The following STK32C variants were observed in gnomAD, a reference collection of about 807,000 sequenced individuals.
STK32C encodes the protein serine/threonine kinase 32C.
STK32C carries 31 observed loss-of-function variants against 56.5 expected under a neutral mutation model. The observed-to-expected ratio is 0.55, with a 90% CI of 0.41 to 0.74. STK32C has a LOEUF of 0.74. STK32C is among the 30% of genes least tolerant of loss of function. The pLI, the probability that STK32C is intolerant of heterozygous loss-of-function variation, is 0.00. For synonymous variants in STK32C, 309 were observed against 289.4 expected (o/e 1.07, Z -0.69); for missense variants, 544 against 676.9 (o/e 0.80, Z 2.18).
chr10:132,225,797 G>C lies in STK32C; in HGVS notation c.645-13C>G. 6.2e-7 allele frequency: 1 copy of C among 1,613,924 alleles called. No homozygotes were observed. The highest frequency in any genetic ancestry group is 8.5e-7 in the Non-Finnish European group (1 of 1,180,004). The stretch of plus-strand genomic sequence containing the variant: ...AGGCTTGACATCTCTAGAAAGAGCA[G>C]AAAGTGGGAAGGTGAGTTGGGAATC... On this transcript the variant is annotated splice_polypyrimidine_tract_variant and intron_variant, in intron 4 of 11. Coordinates refer to ENST00000298630, the MANE Select transcript of STK32C (RefSeq NM_173575.4).
chr10:132,229,011 T>G (rs2062999871), intron 2 of STK32C, among the ~76,000 whole-genome samples: 1 of 152,180 alleles, frequency 6.6e-6, no homozygotes, highest in South Asian at 2.1e-4. Flanking sequence ...GCTAATTGCT[T>G]AGCAGTGAGG....
intron 1 of STK32C, among the ~76,000 whole-genome samples, chr10:132,299,467 C>A (rs943481686): frequency 2.6e-5 from 4 of 152,080 alleles, no homozygotes; most frequent in Non-Finnish European, 5.9e-5. Context: ...AGGACGAGAC[C>A]CAGCAGCATG....
At chr10:132,233,208 A>T (rs1185674952) in intron 2 of STK32C, among the ~76,000 whole-genome samples, 2 of 152,136 alleles carry the variant, frequency 1.3e-5, no homozygotes, top group African/African-American at 4.8e-5. Context: ...GCAGCGGCTG[A>T]AGAAGGTGCA....
At chr10:132,307,979 G>C (rs2066134036), upstream of STK32C, 1 of 991,294 alleles carries the variant, frequency 1.0e-6, no homozygotes. The surrounding 1 kb of genome is among the most constrained non-coding windows in gnomAD (Gnocchi z 4.4). Context: ...CGTAGATTGC[G>C]AGCGCTGGGG....
intron 10 of STK32C, among the ~76,000 whole-genome samples, chr10:132,219,450 G>A (rs2062565078): frequency 6.6e-6 from 1 of 152,118 alleles, no homozygotes; most frequent in African/African-American, 2.4e-5. Context: ...TCTGCACACT[G>A]TCCATCCCTG....
chr10:132,265,334 T>C (rs1307866561), intron 1 of STK32C, among the ~76,000 whole-genome samples: 1 of 152,172 alleles, frequency 6.6e-6, no homozygotes, highest in African/African-American at 2.4e-5. Flanking sequence ...TGACAGCCCC[T>C]GCTCCTCCCT....
At chr10:132,286,637 G>A (rs190014646) in intron 1 of STK32C, among the ~76,000 whole-genome samples, 36 of 152,198 alleles carry the variant, frequency 2.4e-4, no homozygotes, top group African/African-American at 8.7e-4. Flanking sequence ...ACAAAATAAA[G>A]GAGGAAAAAT....
chr10:132,286,717 A>T (rs1400858551), intron 1 of STK32C, among the ~76,000 whole-genome samples: 4 of 152,208 alleles, frequency 2.6e-5, no homozygotes, highest in Non-Finnish European at 5.9e-5. Context: ...TTAAAAATAT[A>T]AAAAACTCAG....
chr10:132,244,081 T>C (rs557421894), intron 2 of STK32C, among the ~76,000 whole-genome samples: 3 of 152,288 alleles, frequency 2.0e-5, no homozygotes, highest in East Asian at 1.9e-4. Flanking sequence ...CATGGGGTCA[T>C]TGCCTTGGCC....
intron 1 of STK32C, among the ~76,000 whole-genome samples, chr10:132,325,484 C>T (rs1186900278): frequency 2.7e-5 from 4 of 150,604 alleles, no homozygotes; most frequent in African/African-American, 7.3e-5. Context: ...ACCCAGGAGG[C>T]GGAGCTTCCA....
At chr10:132,272,769 G>A (rs148419881) in intron 1 of STK32C, among the ~76,000 whole-genome samples, 308 of 152,192 alleles carry the variant, frequency 2.0e-3, no homozygotes, top group African/African-American at 7.2e-3. Context: ...GTCAAGCCCC[G>A]CTCTGCTCAA....
chr10:132,271,932 C>A (rs915013148), intron 1 of STK32C, among the ~76,000 whole-genome samples: 3 of 152,230 alleles, frequency 2.0e-5, no homozygotes, highest in African/African-American at 7.2e-5. Flanking sequence ...GCCCGGACGC[C>A]CGGACCTCCT....
intron 1 of STK32C, among the ~76,000 whole-genome samples, chr10:132,290,338 T>C (rs1290810546): frequency 6.6e-6 from 1 of 152,262 alleles, no homozygotes; most frequent in African/African-American, 2.4e-5. Flanking sequence ...AAGTTAAATC[T>C]AAGCATTTAT....
At chr10:132,209,259 A>T in intron 10 of STK32C, 158 bp from the exon 11 acceptor site, 1 of 724,660 alleles carries the variant, frequency 1.4e-6, no homozygotes, top group Non-Finnish European at 2.5e-6. Flanking sequence ...CAGCAGCCAG[A>T]CTGCCCGGGA....
At position 132,255,723 on chromosome 10, in the gene STK32C, A is replaced by G. The variant is rs1369403392; in HGVS notation, c.263-9768T>C. Among the ~76,000 whole-genome samples the G allele has an allele frequency of 6.6e-6, 1 of 152,156 alleles. No individual in the cohort carries two copies. Among genetic ancestry groups the G allele is most frequent in the Non-Finnish European group, 1.5e-5 (1 of 68,016 alleles). Reference sequence around the variant, plus strand: ...CAGGGCAGGAAGGTCAGAGATCAGGAGAGGGGATGAGGGTGTGGGTGCCGG... The same window carrying G: ...CAGGGCAGGAAGGTCAGAGATCAGGGGAGGGGATGAGGGTGTGGGTGCCGG... On this transcript the variant is annotated intron_variant, in intron 1 of 11. Coordinates refer to ENST00000298630, the MANE Select transcript of STK32C (RefSeq NM_173575.4). This position sits in a 1 kb window ranked among gnomAD's most constrained non-coding sequence, Gnocchi z 4.6.
At chr10:132,221,529 G>A (rs1345112346) in intron 10 of STK32C, among the ~76,000 whole-genome samples, 8 of 117,720 alleles carry the variant, frequency 6.8e-5, no homozygotes, top group South Asian at 3.3e-4. Context: ...TAATATCAAC[G>A]CACCTGGGCA....
At chr10:132,293,096 C>T (rs1431163636) in intron 1 of STK32C, among the ~76,000 whole-genome samples, 3 of 152,208 alleles carry the variant, frequency 2.0e-5, no homozygotes, top group East Asian at 1.9e-4. Flanking sequence ...ACGGCACGTG[C>T]GGGGCGGTCA....
chr10:132,267,901 G>A (rs1330511533), intron 1 of STK32C, among the ~76,000 whole-genome samples: 2 of 143,520 alleles, frequency 1.4e-5, no homozygotes, highest in Non-Finnish European at 3.0e-5. Context: ...CCCACATCGT[G>A]TGTGTGTGTG....
rs1260570928 is a variant in STK32C at position 132,300,140 on chromosome 10, T to C, written c.262+7432A>G. 2.6e-5 allele frequency among the ~76,000 whole-genome samples: 4 copies of C among 152,250 alleles called. No individual in the cohort carries two copies. In the East Asian group the frequency reaches 7.7e-4, roughly 29 times the overall value. ...TCTATCACACTTTCTGCCTTCTGCG[T>C]TCGGAGGACGGAGAGTCATGATGTG... On this transcript the variant is annotated intron_variant, in intron 1 of 11. Coordinates refer to ENST00000298630, the MANE Select transcript of STK32C (RefSeq NM_173575.4).
Sources: gnomAD v4.1 joint callset for allele counts (sites outside exome capture counted in the v4.1 genomes callset) on GRCh38, gnomAD v4.1.1 for gene constraint, Gnocchi (gnomAD v3.1) non-coding constraint, MANE v1.5 for transcripts, NCBI Gene and HGNC (gene_info 2026-07-23, HGNC 2026-07-21) for gene names.